The following RHCE variants were observed in gnomAD, a reference collection of about 807,000 sequenced individuals.
RHCE encodes blood group Rh(CE) polypeptide.
A neutral mutation model predicts 43.8 loss-of-function variants in RHCE; 22 were observed. The observed-to-expected ratio is 0.50, with a 90% CI of 0.36 to 0.72. The LOEUF is 0.72. Among genes scored for constraint, RHCE ranks in the 30% least tolerant of loss-of-function variants. RHCE has a pLI of 0.00. For synonymous variants in RHCE, 156 were observed against 210.7 expected, an observed-to-expected ratio of 0.74 and a Z score of 2.25; for missense variants, 385 against 525.4, an observed-to-expected ratio of 0.73 and a Z score of 2.61.
At chr1:25,379,493 ATATTTTTTTTTTTTTTT>A (rs1645925005) in intron 7 of RHCE, among the ~76,000 whole-genome samples, 2 of 17,906 alleles carry the variant, frequency 1.1e-4, no homozygotes, top group East Asian at 7.4e-3. Flanking sequence ...ATATATATAT[ATATTTTTTTTTTTTTTT>A]TTTTTTTTTT....
intron 1 of RHCE, among the ~76,000 whole-genome samples, chr1:25,418,982 C>T (rs116772334): frequency 0.013 from 1,975 of 152,248 alleles, 39 homozygotes; most frequent in African/African-American, 0.043. Flanking sequence ...GACTCAACGC[C>T]ACTGTAAAAT....
chr1:25,389,251 C>T, intron 5 of RHCE, 138 bp from the exon 6 acceptor site: 1 of 1,469,364 alleles, frequency 6.8e-7, no homozygotes, highest in Non-Finnish European at 9.4e-7. Context: ...CACCTCTCCC[C>T]TGTGTTGGGG....
chr1:25,401,181 CT>C (rs1254223672), intron 3 of RHCE, among the ~76,000 whole-genome samples: 1 of 152,142 alleles, frequency 6.6e-6, no homozygotes, highest in East Asian at 1.9e-4. Context: ...GGGCTTCATG[CT>C]TTTTTTTGTA....
chr1:25,417,405 C>G (rs1224621208), intron 1 of RHCE, among the ~76,000 whole-genome samples: 1 of 152,064 alleles, frequency 6.6e-6, no homozygotes, highest in Admixed American at 6.5e-5. Flanking sequence ...TGCAGAAAAA[C>G]ACAGATTGGA....
chr1:25,422,948 G>A (rs530450621), upstream of RHCE, among the ~76,000 whole-genome samples: 4 of 152,120 alleles, frequency 2.6e-5, no homozygotes, highest in South Asian at 4.1e-4. Context: ...GACAGGAGGC[G>A]GAGCTCAGGC....
rs1052410151 is a variant in RHCE, at chr1:25,402,027, C to A, written c.486+569G>T. ...GAGTAGCTGGGATTACAGGCACCTG[C>A]CACCATGCGCAGCTAAATTTTGTAT... On this transcript the variant is annotated intron_variant, in intron 3 of 9. Transcript: ENST00000294413. Among the ~76,000 whole-genome samples, 9 of 152,052 alleles carry A rather than the reference C, an allele frequency of 5.9e-5. 1 individual carries two copies. Among genetic ancestry groups the A allele is most frequent in the Non-Finnish European group, 1.2e-4 (8 of 68,022 alleles).
At position 25,370,684 on chromosome 1, in the gene RHCE, A is replaced by G. The variant is rs1645579692; in HGVS notation, c.1154-144T>C. 8.8e-6 allele frequency: 6 copies of G among 679,152 alleles called. No individual in the cohort carries two copies. The Admixed American group carries it at 1.4e-4, about 16-fold the overall frequency. 42.1% of individuals were successfully genotyped at this position (679,152 alleles called of 1,614,324 possible). Reference sequence around the variant, plus strand: ...CCACAATTGAAAGACAAATAAATGGACGCCCTGTCATTCCTGGACCAGCTT... The same window carrying G: ...CCACAATTGAAAGACAAATAAATGGGCGCCCTGTCATTCCTGGACCAGCTT... On this transcript the variant is annotated intron_variant, in intron 8 of 9. Transcript: ENST00000294413.
At chr1:25,385,669 A>C (rs1248406409) in intron 7 of RHCE, 42 bp downstream of exon 7, 1 of 1,613,788 alleles carries the variant, frequency 6.2e-7, no homozygotes, top group African/African-American at 1.3e-5. Flanking sequence ...CCTGAGTTGG[A>C]GGGGAGTGTT....
rs1646140129 is a variant in RHCE at position 25,385,857 on chromosome 1, G to A, written c.940-13C>T. 3 of 1,614,056 alleles carry A rather than the reference G, an allele frequency of 1.9e-6. No homozygotes were observed. The highest frequency in any genetic ancestry group is 2.5e-6 in the Non-Finnish European group (3 of 1,179,994). ...GGTTACAACACACCTGTGGACAAGT[G>A]TTATTATAAGCAGATTGGCAGGTGA... On this transcript the variant is annotated splice_polypyrimidine_tract_variant and intron_variant, in intron 6 of 9. Transcript: ENST00000294413.
At chr1:25,387,021 ACT>A (rs1194307365) in intron 6 of RHCE, among the ~76,000 whole-genome samples, 2 of 152,026 alleles carry the variant, frequency 1.3e-5, no homozygotes, top group African/African-American at 2.4e-5. Context: ...ACAGAACGAG[ACT>A]CTGTCTCAAT....
intron 7 of RHCE, among the ~76,000 whole-genome samples, chr1:25,378,381 C>T (rs143479710): frequency 0.01 from 1,550 of 152,284 alleles, 28 homozygotes; most frequent in African/African-American, 0.035. Context: ...AGGAGCAATA[C>T]TAGAATATTC....
At chr1:25,369,315 G>C (rs949376063) in intron 9 of RHCE, among the ~76,000 whole-genome samples, 11 of 151,632 alleles carry the variant, frequency 7.3e-5, no homozygotes, top group Non-Finnish European at 1.6e-4. Context: ...TTCCGGTCTT[G>C]GATCTGCCAC....
Position 25,370,041 on chromosome 1 carries a change from T to A in RHCE, c.1227+426A>T, listed in dbSNP as rs1645561435. Among the ~76,000 whole-genome samples the A allele has an allele frequency of 2.0e-5, 3 of 151,472 alleles. No homozygotes were observed. The South Asian group carries it at 6.2e-4, about 31-fold the overall frequency. On this transcript the variant is annotated intron_variant, in intron 9 of 9. Transcript: ENST00000294413. The stretch of plus-strand genomic sequence containing the variant: ...GGCGTCAGCCACCGTGCCCAGCCAG[T>A]TGTAAGATCTTGATAAGTCATGTCT...
exon 1 of RHCE, chr1:25,430,047 C>T (rs1319177975): frequency 6.6e-6 from 1 of 151,898 alleles, no homozygotes; most frequent in East Asian, 1.9e-4. Context: ...GAGCAGGCTC[C>T]CGGTCCGGCC....
At chr1:25,425,376 ACTG>A (rs2042797823), upstream of RHCE, among the ~76,000 whole-genome samples, 1 of 152,224 alleles carries the variant, frequency 6.6e-6, no homozygotes, top group South Asian at 2.1e-4. Context: ...AAAAGAGGAA[ACTG>A]CTGCTCAGAG....
intron 1 of RHCE, among the ~76,000 whole-genome samples, chr1:25,410,772 C>T (rs535616642): frequency 6.6e-6 from 1 of 152,244 alleles, no homozygotes; most frequent in African/African-American, 2.4e-5. Context: ...TCGATCCCAG[C>T]TCTATCATTT....
intron 1 of RHCE, among the ~76,000 whole-genome samples, chr1:25,412,714 TTAAA>T (rs1647123191): frequency 1.0e-5 from 1 of 100,420 alleles, no homozygotes; most frequent in African/African-American, 4.9e-5. Context: ...GACCCTTTTT[TTAAA>T]AAAAAAAAAA....
In RHCE at chr1:25,392,121, C is replaced by T; in HGVS notation, c.507G>A (p.Leu169=). 6.2e-7 allele frequency: 1 copy of T among 1,614,154 alleles called. No homozygotes were observed. The highest frequency in any genetic ancestry group is 1.3e-5 in the African/African-American group (1 of 75,020). The change falls in exon 4 of 10, where the codon CTG becomes CTA. Residue 169 remains leucine, a synonymous_variant. Coordinates refer to ENST00000294413, the MANE Select transcript of RHCE (RefSeq NM_020485.8). The part of the protein sequence containing the change: ...NIFNTDYHMN[L]RHFYVFAAYF... The stretch of plus-strand genomic sequence containing the variant: ...AGGCTGCGAACACGTAGAAGTGCCT[C>T]AGGTTCATGTGGTAGTCTGTCTGCA...
At chr1:25,371,670 A>G (rs1645616312) in intron 8 of RHCE, among the ~76,000 whole-genome samples, 1 of 151,214 alleles carries the variant, frequency 6.6e-6, no homozygotes, top group Non-Finnish European at 1.5e-5. Context: ...ACTGTGCCCA[A>G]CCTCCATTCC....
Sources: allele counts gnomAD v4.1 joint callset (sites outside exome capture counted in the v4.1 genomes callset), GRCh38; gene constraint gnomAD v4.1.1; transcripts MANE v1.5; gene names NCBI Gene and HGNC (gene_info 2026-07-23, HGNC 2026-07-21).